SNX11: variants seen among roughly 807,000 people sequenced by gnomAD.
The protein encoded by SNX11 is sorting nexin 11.
Under a neutral mutation model 30.7 loss-of-function variants are expected in SNX11, and 19 were observed. The observed-to-expected ratio is 0.62, with a 90% CI of 0.43 to 0.91. The LOEUF (loss-of-function observed/expected upper bound fraction) is 0.91. Ranked by LOEUF, SNX11 falls within the 40% of genes least tolerant of loss-of-function variation. The pLI, the probability that SNX11 is intolerant of heterozygous loss-of-function variation, is 0.00. For synonymous variants in SNX11, 112 were observed against 119.0 expected (o/e 0.94, Z 0.38); for missense variants, 302 against 326.7 (o/e 0.92, Z 0.58).
intron 1 of SNX11, among the ~76,000 whole-genome samples, chr17:48,108,131 G>C (rs1198980484): frequency 3.3e-5 from 5 of 152,220 alleles, no homozygotes; most frequent in Admixed American, 3.3e-4. Context: ...TGGAGAAAGA[G>C]TGGCCGTAGT....
At chr17:48,111,910 A>G in intron 1 of SNX11, 121 bp from the exon 2 acceptor site, 1 of 739,302 alleles carries the variant, frequency 1.4e-6, no homozygotes, top group Admixed American at 2.6e-5. Context: ...TACAAGAACA[A>G]AAAGTGTTGC....
rs536293366 is a variant in SNX11, at chr17:48,120,285, C to T, written c.540-950C>T. Among the ~76,000 whole-genome samples the T allele has an allele frequency of 7.1e-4, 100 of 140,020 alleles. No individual in the cohort carries two copies. The South Asian group carries it at 0.023, about 32-fold the overall frequency. The allele number at this position is 140,020 out of a possible 152,430, so 91.9% of individuals were successfully genotyped here. On this transcript the variant is annotated intron_variant, in intron 6 of 6. Transcript: ENST00000359238. ...GCAGTGGCATGATCTCGGCTCACTG[C>T]AACCTCCGCCTCCCAGGTTCAAGCA...
At chr17:48,118,187 G>A (rs982172897) in intron 4 of SNX11, among the ~76,000 whole-genome samples, 5 of 152,068 alleles carry the variant, frequency 3.3e-5, no homozygotes, top group African/African-American at 9.7e-5. Flanking sequence ...TCTTTCTCAC[G>A]GGGTTTTGGG....
At chr17:48,117,412 GC>G (rs1567779667) in intron 4 of SNX11, among the ~76,000 whole-genome samples, 1 of 151,768 alleles carries the variant, frequency 6.6e-6, no homozygotes, top group South Asian at 2.1e-4. Flanking sequence ...CCGCCACCAC[GC>G]CCGGCTAGTT....
intron 2 of SNX11, 96 bp downstream of exon 2, chr17:48,112,181 T>C (rs2063499093): frequency 1.8e-6 from 2 of 1,092,822 alleles, no homozygotes; most frequent in Admixed American, 3.4e-5. Flanking sequence ...AATTATTACC[T>C]GCAGTATTAC....
At chr17:48,115,756 G>T (rs1187849158) in intron 4 of SNX11, among the ~76,000 whole-genome samples, 2 of 152,162 alleles carry the variant, frequency 1.3e-5, no homozygotes, top group Non-Finnish European at 2.9e-5. Context: ...CTGTAGGATG[G>T]TCACTGAATA....
chr17:48,108,233 G>T (rs903172561), intron 1 of SNX11, among the ~76,000 whole-genome samples: 1 of 152,184 alleles, frequency 6.6e-6, no homozygotes, highest in Non-Finnish European at 1.5e-5. Flanking sequence ...GGTAGATTGT[G>T]GTCGCCTTTG....
chr17:48,115,566 T>C (rs1427669894), intron 4 of SNX11, among the ~76,000 whole-genome samples: 3 of 152,228 alleles, frequency 2.0e-5, no homozygotes, highest in South Asian at 2.1e-4. Flanking sequence ...CCTGGACTTA[T>C]TTGACAGCTA....
chr17:48,111,298 T>C (rs1019445888), intron 1 of SNX11, among the ~76,000 whole-genome samples: 7 of 152,080 alleles, frequency 4.6e-5, no homozygotes, highest in African/African-American at 1.7e-4. Context: ...TTGGTGTTTG[T>C]GGGGACTTGG....
intron 1 of SNX11, among the ~76,000 whole-genome samples, chr17:48,110,037 C>A (rs1434652339): frequency 6.6e-6 from 1 of 152,118 alleles, no homozygotes; most frequent in South Asian, 2.1e-4. Flanking sequence ...CATCGTCTTT[C>A]CCGTTGTTAG....
Position 48,113,353 on chromosome 17 carries a change from G to GT in SNX11, c.183dup (p.Glu62Ter). The GT allele has an allele frequency of 6.2e-7, 1 of 1,613,558 alleles. No individual in the cohort carries two copies. The highest frequency in any genetic ancestry group is 1.1e-5 in the South Asian group (1 of 91,072). ...ACTTCCTGTGTGCGGCGCCGCTACCGTGAGTTCGTGTGGCTGAGAAAGCAG... is the reference window on the plus strand; with the variant it reads ...ACTTCCTGTGTGCGGCGCCGCTACCGTTGAGTTCGTGTGGCTGAGAAAGCAG... On this transcript the variant is annotated frameshift_variant, in exon 4 of 7. Coordinates refer to ENST00000359238, the MANE Select transcript of SNX11 (RefSeq NM_013323.3). LOFTEE classifies it high-confidence loss of function.
chr17:48,121,101 T>A, intron 6 of SNX11, 134 bp from the exon 7 acceptor site: 1 of 926,070 alleles, frequency 1.1e-6, no homozygotes, highest in Non-Finnish European at 1.6e-6. Context: ...TCTTCTGGCC[T>A]CAGCTTCCTG....
In SNX11 at chr17:48,112,653, T is replaced by C; in HGVS notation, c.122T>C (p.Phe41Ser). Residue 41 changes from phenylalanine to serine, a missense_variant, in exon 3 of 7, where the codon TTC becomes TCC. Coordinates refer to ENST00000359238, the MANE Select transcript of SNX11 (RefSeq NM_013323.3). Reference sequence around the variant, plus strand: ...AACTCTTATGTGGATTATAAGATATTCCTCCATGTGAGTACATCAAGCTTC... The same window carrying C: ...AACTCTTATGTGGATTATAAGATATCCCTCCATGTGAGTACATCAAGCTTC... ...SWNSYVDYKI[F>S]LHTNSKAFTA... 6.2e-7 allele frequency: 1 copy of C among 1,610,058 alleles called. No homozygotes were observed. Among genetic ancestry groups the C allele is most frequent in the African/African-American group, 1.3e-5 (1 of 74,896 alleles).
Position 48,115,892 on chromosome 17 carries a change from A to G in SNX11, c.230+2491A>G, listed in dbSNP as rs559741465. Among the ~76,000 whole-genome samples, 20 of 149,456 alleles carry G rather than the reference A, an allele frequency of 1.3e-4. No homozygotes were observed. In the South Asian group the frequency reaches 1.9e-3, roughly 14 times the overall value. ...AAACTCCGTTCCCCTGACAAATCCT[A>G]TATCCTCCAGCCTGGCCTGTTTTTT... On this transcript the variant is annotated intron_variant, in intron 4 of 6. Coordinates refer to ENST00000359238, the MANE Select transcript of SNX11 (RefSeq NM_013323.3).
rs760765503 is a variant in SNX11 at position 48,122,935 on chromosome 17, G to T, written c.*1427G>T. ...TGGAGGAAGGATTGTCTTCCAAAGA[G>T]CTGGGATCCAACTCTTCTCACAGTT... On this transcript the variant is annotated 3_prime_UTR_variant, in exon 7 of 7. Transcript: ENST00000359238. 5.3e-5 allele frequency: 8 copies of T among 152,228 alleles called. No homozygotes were observed. The highest frequency in any genetic ancestry group is 1.2e-4 in the Non-Finnish European group (8 of 68,056). The allele number at this position is 152,228 out of a possible 1,614,324, so 9.4% of individuals were successfully genotyped here. A position where few individuals can be genotyped will look rare whatever the true frequency, so the allele number is the denominator to read the frequency against.
At chr17:48,109,018 C>T (rs1460072899) in intron 1 of SNX11, among the ~76,000 whole-genome samples, 2 of 152,122 alleles carry the variant, frequency 1.3e-5, no homozygotes, top group Admixed American at 6.5e-5. Flanking sequence ...TTGCAGACTC[C>T]GCCTCCTGGG....
chr17:48,119,151 C>A lies in SNX11; in HGVS notation c.504C>A (p.Ser168Arg), dbSNP rs1189620267. The A allele has an allele frequency of 1.2e-6, 2 of 1,613,980 alleles. No homozygotes were observed. The highest frequency in any genetic ancestry group is 1.7e-5 in the Admixed American group (1 of 60,010). The part of the protein sequence containing the change: ...NCGWAQEERQ[S>R]SSHLAKGDQP... ...GCTGGGCCCAGGAAGAGAGGCAGAG[C>A]TCTTCTCACCTGGCTAAAGGAGACC... Residue 168 changes from serine to arginine, a missense_variant, in exon 6 of 7, where the codon AGC (serine) becomes AGA (arginine). Ser to Arg is a moderately radical substitution (Grantham distance 110, BLOSUM62 -1). Transcript: ENST00000359238.
rs2063503067 is a variant in SNX11, at chr17:48,112,665, G to A, written c.129+5G>A. On this transcript the variant is annotated splice_donor_5th_base_variant and intron_variant, in intron 3 of 6. Transcript: ENST00000359238. ...GATTATAAGATATTCCTCCATGTGAGTACATCAAGCTTCTGTATTGGGGTC... is the reference window on the plus strand; with the variant it reads ...GATTATAAGATATTCCTCCATGTGAATACATCAAGCTTCTGTATTGGGGTC... 1.3e-6 allele frequency: 2 copies of A among 1,599,998 alleles called. No homozygotes were observed. Among genetic ancestry groups the A allele is most frequent in the East Asian group, 4.5e-5 (2 of 44,536 alleles).
chr17:48,113,181 C>T (rs2063507759), intron 3 of SNX11, 120 bp from the exon 4 acceptor site: 2 of 757,080 alleles, frequency 2.6e-6, no homozygotes, highest in Non-Finnish European at 4.5e-6. Context: ...AGTTGGGGAC[C>T]TGATCAGGTC....
Sources: gnomAD v4.1 joint callset for allele counts (sites outside exome capture counted in the v4.1 genomes callset) on GRCh38, gnomAD v4.1.1 for gene constraint, MANE v1.5 for transcripts, NCBI Gene and HGNC (gene_info 2026-07-23, HGNC 2026-07-21) for gene names.